Variants in TMEM63C observed in about 807,000 individuals in gnomAD.
The protein encoded by TMEM63C is transmembrane protein 63C, also known as osmosensitive cation channel TMEM63C.
Under a neutral mutation model 99.2 loss-of-function variants are expected in TMEM63C, and 32 were observed. The ratio of observed to expected loss-of-function variants is 0.32; its 90% CI spans 0.24 to 0.43. The LOEUF (loss-of-function observed/expected upper bound fraction) is 0.43. TMEM63C is among the 20% of genes least tolerant of loss of function. TMEM63C has a pLI of 1.00. For synonymous variants in TMEM63C, 376 were observed against 397.9 expected (o/e 0.94, Z 0.66); for missense variants, 826 against 1,053.0 (o/e 0.78, Z 2.98).
chr14:77,220,095 C>A lies in TMEM63C; in HGVS notation c.312+8C>A, dbSNP rs776486710. On this transcript the variant is annotated splice_region_variant and intron_variant, in intron 5 of 23. Transcript: ENST00000298351. ...ATGGAACGCAGAGACAAGGTGAGTG[C>A]TGGGAGCGGTCTGGGCGGTGGGAGT... 3.9e-6 allele frequency: 6 copies of A among 1,555,046 alleles called. No homozygotes were observed. Among genetic ancestry groups the A allele is most frequent in the Non-Finnish European group, 5.2e-6 (6 of 1,149,312 alleles).
At chr14:77,234,133 G>T (rs1039057827) in intron 8 of TMEM63C, among the ~76,000 whole-genome samples, 1 of 152,178 alleles carries the variant, frequency 6.6e-6, no homozygotes, top group African/African-American at 2.4e-5. Flanking sequence ...ATGTGGCCCC[G>T]TTGGTCCATG....
chr14:77,215,428 C>G (rs1375775736), intron 2 of TMEM63C, among the ~76,000 whole-genome samples: 2 of 151,672 alleles, frequency 1.3e-5, no homozygotes, highest in African/African-American at 4.8e-5. Context: ...TGGTGAAACC[C>G]CATTTCTACT....
chr14:77,228,716 T>C (rs1445614561), intron 6 of TMEM63C, among the ~76,000 whole-genome samples: 1 of 151,950 alleles, frequency 6.6e-6, no homozygotes, highest in Non-Finnish European at 1.5e-5. Context: ...TTTATATTTT[T>C]AGTAGAGACA....
At chr14:77,187,213 G>C (rs1446189730) in intron 1 of TMEM63C, among the ~76,000 whole-genome samples, 1 of 152,218 alleles carries the variant, frequency 6.6e-6, no homozygotes, top group South Asian at 2.1e-4. Context: ...GGAGCCATCT[G>C]TGTGCCGTCC....
chr14:77,233,412 A>T (rs756318033), intron 7 of TMEM63C, 40 bp from the exon 8 acceptor site: 1 of 1,606,370 alleles, frequency 6.2e-7, no homozygotes, highest in South Asian at 1.1e-5. Context: ...CCAGCAACTG[A>T]GGAGCCAGGC....
At chr14:77,226,983 G>C (rs1274660821) in intron 6 of TMEM63C, among the ~76,000 whole-genome samples, 3 of 152,024 alleles carry the variant, frequency 2.0e-5, no homozygotes, top group African/African-American at 7.2e-5. Context: ...GGCCAGGCTG[G>C]CCTCAAACTC....
chr14:77,192,739 T>C (rs1888131280), intron 1 of TMEM63C, among the ~76,000 whole-genome samples: 1 of 151,668 alleles, frequency 6.6e-6, no homozygotes, highest in Admixed American at 6.6e-5. Flanking sequence ...TACTCCAGCC[T>C]GGGCAACAGA....
chr14:77,200,367 C>T (rs1468386027), intron 1 of TMEM63C, among the ~76,000 whole-genome samples: 1 of 152,228 alleles, frequency 6.6e-6, no homozygotes, highest in Admixed American at 6.5e-5. Flanking sequence ...AGCCCCTCGG[C>T]ACAGCCTCCC....
intron 18 of TMEM63C, among the ~76,000 whole-genome samples, 186 bp from the exon 19 acceptor site, chr14:77,248,161 G>T (rs948221644): frequency 6.6e-5 from 10 of 152,008 alleles, no homozygotes; most frequent in Admixed American, 3.3e-4. Flanking sequence ...ATTGGGTTGG[G>T]GACATATATA....
rs370865080 is a variant in TMEM63C, at chr14:77,231,816, A to G, written c.493+86A>G. On this transcript the variant is annotated intron_variant, in intron 7 of 23. Coordinates refer to ENST00000298351, the MANE Select transcript of TMEM63C (RefSeq NM_020431.4). ...CAGTCAGGGCTGGGGTTGAGGGTCTAGACATCTATTTTAATCCTGCCTCTG... is the reference window on the plus strand; with the variant it reads ...CAGTCAGGGCTGGGGTTGAGGGTCTGGACATCTATTTTAATCCTGCCTCTG... 6.4e-4 allele frequency: 917 copies of G among 1,440,116 alleles called. 10 individuals are homozygous for G. In the South Asian group the frequency reaches 6.9e-3, roughly 11 times the overall value. 89.2% of individuals were successfully genotyped at this position (1,440,116 alleles called of 1,614,324 possible). A position where few individuals can be genotyped will look rare whatever the true frequency, so the allele number is the denominator to read the frequency against.
intron 1 of TMEM63C, among the ~76,000 whole-genome samples, chr14:77,205,397 C>A (rs1450438598): frequency 6.6e-6 from 1 of 152,210 alleles, no homozygotes; most frequent in East Asian, 1.9e-4. Flanking sequence ...CAAGGCCTTT[C>A]TCATTCACCT....
rs1262759463 is a variant in TMEM63C at position 77,257,781 on chromosome 14, C to T, written c.*1055C>T. ...ACCATCACCTGCGTCCCAAGTAGGA[C>T]CCTTCCTCCCTTCTCGGGGCTGCCC... is the stretch of plus-strand genomic sequence containing the variant. On this transcript the variant is annotated 3_prime_UTR_variant, in exon 24 of 24. Coordinates refer to ENST00000298351, the MANE Select transcript of TMEM63C (RefSeq NM_020431.4). 3 of 152,472 alleles carry T rather than the reference C, an allele frequency of 2.0e-5. No homozygotes were observed. The highest frequency in any genetic ancestry group is 2.0e-4 in the Admixed American group (3 of 15,292). The allele number at this position is 152,472 out of a possible 1,614,324, so 9.4% of individuals were successfully genotyped here.
intron 1 of TMEM63C, among the ~76,000 whole-genome samples, chr14:77,207,443 C>T (rs769096554): frequency 9.9e-5 from 15 of 152,202 alleles, no homozygotes; most frequent in African/African-American, 2.4e-5. Flanking sequence ...AGATGTAGTA[C>T]AGATGTGGGA....
At chr14:77,184,001 C>T (rs999417620) in intron 1 of TMEM63C, among the ~76,000 whole-genome samples, 9 of 152,206 alleles carry the variant, frequency 5.9e-5, no homozygotes, top group African/African-American at 1.4e-4. Context: ...GTGCCTCTAT[C>T]GGCAGGCACT....
intron 1 of TMEM63C, among the ~76,000 whole-genome samples, chr14:77,208,329 C>G (rs1191445506): frequency 2.0e-5 from 3 of 152,158 alleles, no homozygotes; most frequent in Non-Finnish European, 4.4e-5. Context: ...GTCCTTTCAC[C>G]TGCTATCTAG....
intron 2 of TMEM63C, among the ~76,000 whole-genome samples, chr14:77,215,473 C>A (rs974702337): frequency 1.3e-5 from 2 of 151,568 alleles, no homozygotes; most frequent in South Asian, 4.2e-4. Context: ...TAGTGGTGGG[C>A]ACCTGTAGTC....
chr14:77,189,787 A>G (rs1888072258), intron 1 of TMEM63C, among the ~76,000 whole-genome samples: 7 of 152,194 alleles, frequency 4.6e-5, no homozygotes, highest in Admixed American at 4.6e-4. Flanking sequence ...GGCAGGTTTC[A>G]CTGGGGTGGG....
intron 16 of TMEM63C, among the ~76,000 whole-genome samples, chr14:77,245,729 G>A (rs779185379): frequency 2.6e-5 from 4 of 152,118 alleles, no homozygotes; most frequent in African/African-American, 4.8e-5. Flanking sequence ...TCATGAGAAC[G>A]GCATGGGAAA....
intron 9 of TMEM63C, among the ~76,000 whole-genome samples, chr14:77,237,139 C>T (rs904832313): frequency 2.0e-5 from 3 of 152,032 alleles, no homozygotes; most frequent in African/African-American, 2.4e-5. Flanking sequence ...TCTGCTGCCC[C>T]GCCCCTCCCC....
Sources: allele counts gnomAD v4.1 joint callset (sites outside exome capture counted in the v4.1 genomes callset), GRCh38; gene constraint gnomAD v4.1.1; transcripts MANE v1.5; gene names NCBI Gene and HGNC (gene_info 2026-07-23, HGNC 2026-07-21).